The following HS2ST1 variants were observed in gnomAD, a reference collection of about 807,000 sequenced individuals.
The protein encoded by HS2ST1 is 2-O-sulfotransferase.
Under a neutral mutation model 42.9 loss-of-function variants are expected in HS2ST1, and 18 were observed. The observed-to-expected ratio is 0.42, with a 90% CI of 0.29 to 0.62. The LOEUF (loss-of-function observed/expected upper bound fraction) is 0.62, where lower values mean the gene tolerates loss of function less well. HS2ST1 is among the 20% of genes least tolerant of loss of function. The probability of loss-of-function intolerance (pLI) is 0.21; values close to 1 mark genes in which losing one functional copy is unlikely to be tolerated. For synonymous variants in HS2ST1, 146 were observed against 152.9 expected (o/e 0.95, Z 0.33); for missense variants, 334 against 433.8 (o/e 0.77, Z 2.04).
At position 87,092,461 on chromosome 1, in the gene HS2ST1, T is replaced by C. The variant is rs982801786; in HGVS notation, c.450-70T>C. ...AGGACCAGTACTTCAGACTTAAACATGTAATTTCAGGGCACTCCTAAACAG... is the reference window on the plus strand; with the variant it reads ...AGGACCAGTACTTCAGACTTAAACACGTAATTTCAGGGCACTCCTAAACAG... On this transcript the variant is annotated intron_variant, in intron 3 of 6. Coordinates refer to ENST00000370550, the MANE Select transcript of HS2ST1 (RefSeq NM_012262.4). 9.6e-6 allele frequency: 10 copies of C among 1,041,248 alleles called. No homozygotes were observed. The Admixed American group carries it at 1.5e-4, about 16-fold the overall frequency. The allele number at this position is 1,041,248 out of a possible 1,614,324, so 64.5% of individuals were successfully genotyped here.
chr1:87,066,051 G>A (rs551372996), intron 1 of HS2ST1, among the ~76,000 whole-genome samples: 12 of 152,106 alleles, frequency 7.9e-5, no homozygotes, highest in Non-Finnish European at 1.8e-4. Flanking sequence ...CAGTTATCCT[G>A]CAGTCTGATA....
intron 1 of HS2ST1, among the ~76,000 whole-genome samples, chr1:86,997,956 G>T (rs76252981): frequency 2.0e-5 from 3 of 152,168 alleles, no homozygotes; most frequent in Non-Finnish European, 4.4e-5. Context: ...ACCATGGGTC[G>T]TGAAACTGCA....
At chr1:86,920,043 C>G (rs1354108584) in intron 1 of HS2ST1, among the ~76,000 whole-genome samples, 1 of 152,084 alleles carries the variant, frequency 6.6e-6, no homozygotes, top group Non-Finnish European at 1.5e-5. Context: ...ATTGACTGGT[C>G]GAACAGTGCA....
In HS2ST1 at chr1:87,109,010, C is replaced by G. The variant is rs1652400772; in HGVS notation, c.*4314C>G. The G allele has an allele frequency of 6.6e-6, 1 of 152,466 alleles. No homozygotes were observed. Among genetic ancestry groups the G allele is most frequent in the African/African-American group, 2.4e-5 (1 of 41,418 alleles). 9.4% of individuals were successfully genotyped at this position (152,466 alleles called of 1,614,324 possible). A position where few individuals can be genotyped will look rare whatever the true frequency, so the allele number is the denominator to read the frequency against. On this transcript the variant is annotated 3_prime_UTR_variant, in exon 7 of 7. Coordinates refer to ENST00000370550, the MANE Select transcript of HS2ST1 (RefSeq NM_012262.4). ...TTCTCTCTCCCTGCCCTCCCCCACT[C>G]CATTCAGTTGATTCATTTATGCAAA...
intron 1 of HS2ST1, among the ~76,000 whole-genome samples, chr1:87,037,446 A>G (rs1169003610): frequency 4.0e-5 from 6 of 151,846 alleles, no homozygotes; most frequent in Admixed American, 3.9e-4. Context: ...TTTAATATAT[A>G]TATTTTAATT....
At chr1:86,999,841 G>A (rs1291077123) in intron 1 of HS2ST1, among the ~76,000 whole-genome samples, 4 of 152,152 alleles carry the variant, frequency 2.6e-5, no homozygotes, top group Admixed American at 6.5e-5. Context: ...TGGAATTCAC[G>A]TCATTAACCC....
At chr1:87,073,910 A>G (rs912773727) in intron 2 of HS2ST1, among the ~76,000 whole-genome samples, 1 of 152,246 alleles carries the variant, frequency 6.6e-6, no homozygotes, top group African/African-American at 2.4e-5. Flanking sequence ...ACTACTTAGG[A>G]TCAAATACCA....
At chr1:86,976,853 T>A (rs989762613) in intron 1 of HS2ST1, among the ~76,000 whole-genome samples, 4 of 151,388 alleles carry the variant, frequency 2.6e-5, no homozygotes, top group Non-Finnish European at 4.4e-5. Flanking sequence ...AGAGGACCCC[T>A]TGAGGCCAGA....
chr1:87,004,280 A>G (rs566185114), intron 1 of HS2ST1, among the ~76,000 whole-genome samples: 31 of 152,178 alleles, frequency 2.0e-4, no homozygotes, highest in Non-Finnish European at 4.4e-4. Context: ...AATCCCAGCT[A>G]CTTGGGAGGC....
chr1:86,925,492 A>G (rs1660397131), intron 1 of HS2ST1, among the ~76,000 whole-genome samples: 1 of 152,228 alleles, frequency 6.6e-6, no homozygotes, highest in African/African-American at 2.4e-5. Context: ...ATAGTTCTAC[A>G]TGGCTGGGGA....
chr1:87,008,929 G>A (rs1394039967), intron 1 of HS2ST1, among the ~76,000 whole-genome samples: 6 of 151,926 alleles, frequency 3.9e-5, no homozygotes, highest in Non-Finnish European at 7.4e-5. Flanking sequence ...CTGCAGCCTC[G>A]ACCTCCTGGA....
At chr1:86,926,619 T>C (rs1660427738) in intron 1 of HS2ST1, among the ~76,000 whole-genome samples, 1 of 152,238 alleles carries the variant, frequency 6.6e-6, no homozygotes, top group South Asian at 2.1e-4. Context: ...TTCAGTCTCT[T>C]TTACTTCATC....
Position 87,104,871 on chromosome 1 carries a change from T to C in HS2ST1, c.*175T>C. Reference sequence around the variant, plus strand: ...TAGATACTGGCTGGCATTGTCAGTGTTCTAAGTTTCAGGCATTTTTATTTT... The same window carrying C: ...TAGATACTGGCTGGCATTGTCAGTGCTCTAAGTTTCAGGCATTTTTATTTT... On this transcript the variant is annotated 3_prime_UTR_variant, in exon 7 of 7. Transcript: ENST00000370550. The C allele has an allele frequency of 9.3e-6, 5 of 539,178 alleles. No homozygotes were observed. Among genetic ancestry groups the C allele is most frequent in the Non-Finnish European group, 1.6e-5 (5 of 305,894 alleles). The allele number at this position is 539,178 out of a possible 1,614,324, so 33.4% of individuals were successfully genotyped here. A position where few individuals can be genotyped will look rare whatever the true frequency, so the allele number is the denominator to read the frequency against.
intron 5 of HS2ST1, among the ~76,000 whole-genome samples, chr1:87,101,150 T>TGTGTG (rs1409672016): frequency 2.1e-4 from 14 of 65,278 alleles, no homozygotes; most frequent in African/African-American, 8.1e-4. Context: ...TGTGTGTGTG[T>TGTGTG]TTTTTGTTTT....
At position 86,915,173 on chromosome 1, in the gene HS2ST1, A is replaced by G. The variant is rs377700319; in HGVS notation, c.124+13A>G. ...CGCTCGAAGCTAGGTGAGGAACTGA[A>G]CTGCCCCGGGCTGAGTGCTGTGGAA... On this transcript the variant is annotated intron_variant, in intron 1 of 6. Coordinates refer to ENST00000370550, the MANE Select transcript of HS2ST1 (RefSeq NM_012262.4). 2.0e-5 allele frequency: 32 copies of G among 1,610,788 alleles called. No individual in the cohort carries two copies. The African/African-American group carries it at 4.3e-4, about 21-fold the overall frequency.
At chr1:87,080,246 G>A (rs1274134207) in intron 2 of HS2ST1, among the ~76,000 whole-genome samples, 2 of 152,150 alleles carry the variant, frequency 1.3e-5, no homozygotes, top group Admixed American at 6.5e-5. Flanking sequence ...GGGAACAAAC[G>A]TCAAGGGTTA....
rs1479556244 is a variant in HS2ST1 at position 87,045,144 on chromosome 1, C to T, written c.125-27790C>T. The T allele has an allele frequency of 4.7e-6, 4 of 854,180 alleles. No homozygotes were observed. The African/African-American group carries it at 5.0e-5, about 11-fold the overall frequency. The allele number at this position is 854,180 out of a possible 1,614,324, so 52.9% of individuals were successfully genotyped here. A position where few individuals can be genotyped will look rare whatever the true frequency, so the allele number is the denominator to read the frequency against. On this transcript the variant is annotated intron_variant, in intron 1 of 6. Transcript: ENST00000370550. ...GGTGGAAGGCTGACCTCCATCATTA[C>T]TGCCATTGGTTATGCTTTTGGCAGC...
chr1:87,050,216 T>C (rs1469919924), intron 1 of HS2ST1, among the ~76,000 whole-genome samples: 1 of 151,996 alleles, frequency 6.6e-6, no homozygotes, highest in Admixed American at 6.6e-5. Context: ...GCCTTTTCTA[T>C]GGTGTGTATG....
Position 86,940,340 on chromosome 1 carries a change from T to C in HS2ST1, c.124+25180T>C, listed in dbSNP as rs536224669. Among the ~76,000 whole-genome samples the C allele has an allele frequency of 1.9e-4, 29 of 152,226 alleles. No individual in the cohort carries two copies. The South Asian group carries it at 5.8e-3, about 30-fold the overall frequency. On this transcript the variant is annotated intron_variant, in intron 1 of 6. Transcript: ENST00000370550. ...AGTGAGCTATGGTCTCGCCACTGCA[T>C]TCCAGCCTGGGCAACAGAGCAAGTC...
Sources: allele counts gnomAD v4.1 joint callset (sites outside exome capture counted in the v4.1 genomes callset), GRCh38; gene constraint gnomAD v4.1.1; transcripts MANE v1.5; gene names NCBI Gene and HGNC (gene_info 2026-07-23, HGNC 2026-07-21).